NUDT11: variants seen among roughly 807,000 people sequenced by gnomAD.
NUDT11 encodes the protein nudix hydrolase 11.
A neutral mutation model predicts 10.0 loss-of-function variants in NUDT11; 1 was observed. That is an observed-to-expected ratio of 0.10 (90% confidence interval 0.04 to 0.47). The LOEUF (loss-of-function observed/expected upper bound fraction) is 0.47. Among genes scored for constraint, NUDT11 ranks in the 20% least tolerant of loss-of-function variants. The pLI is 0.96. For synonymous variants in NUDT11, 63 were observed against 65.9 expected, an observed-to-expected ratio of 0.96 and a Z score of 0.21; for missense variants, 47 against 140.4, an observed-to-expected ratio of 0.33 and a Z score of 3.36.
chrX:51,494,608 C>A (rs1456350710), intron 1 of NUDT11, among the ~76,000 whole-genome samples: 2 of 92,751 alleles, frequency 2.2e-5, no homozygotes, highest in Non-Finnish European at 4.5e-5. Flanking sequence ...AAAAAGCACA[C>A]AAGGGGGCAG....
rs1925597133 is a variant in NUDT11, at chrX:51,491,641, T to C, written c.*108A>G. On this transcript the variant is annotated 3_prime_UTR_variant, in exon 2 of 2. Coordinates refer to ENST00000375992, the MANE Select transcript of NUDT11 (RefSeq NM_018159.4). ...AGATGCAGGAAGAAACCAGATGAGC[T>C]GTCTTCTTGGGAACACAGAAGTGCT... 3.6e-6 allele frequency: 2 copies of C among 551,518 alleles called. No individual in the cohort carries two copies. The highest frequency in any genetic ancestry group is 6.7e-6 in the Non-Finnish European group (2 of 300,051). 45.5% of individuals were successfully genotyped at this position (551,518 alleles called of 1,213,427 possible).
At chrX:51,494,843 T>C (rs1420749330) in intron 1 of NUDT11, among the ~76,000 whole-genome samples, 1 of 112,250 alleles carries the variant, frequency 8.9e-6, no homozygotes, top group Non-Finnish European at 1.9e-5. Context: ...TTGACAATTC[T>C]GTACCAGCTG....
intron 1 of NUDT11, among the ~76,000 whole-genome samples, chrX:51,494,034 A>C (rs1239062263): frequency 1.8e-5 from 2 of 111,927 alleles, no homozygotes; most frequent in Non-Finnish European, 3.8e-5. Flanking sequence ...AACCTTCTGT[A>C]ATAATTAGGT....
At position 51,496,276 on chromosome X, in the gene NUDT11, C is replaced by G. The variant is rs1872202627; in HGVS notation, c.169G>C (p.Glu57Gln). ...TCTCGGACCGCCGCACCGCCCGGCT[C>G]CTCCTCGGGCTCCATGCCCCCGCCC... Reference protein sequence around the residue: ...VPGGGMEPEEEPGGAAVREVY... With the variant: ...VPGGGMEPEEQPGGAAVREVY... Residue 57 changes from glutamate to glutamine, a missense_variant, in exon 1 of 2, where the codon GAG (glutamate) becomes CAG (glutamine). Coordinates refer to ENST00000375992, the MANE Select transcript of NUDT11 (RefSeq NM_018159.4). 8.3e-7 allele frequency: 1 copy of G among 1,207,891 alleles called. No homozygotes were observed. Among genetic ancestry groups the G allele is most frequent in the Non-Finnish European group, 1.1e-6 (1 of 894,249 alleles).
chrX:51,493,889 CTAA>C (rs1259284080), intron 1 of NUDT11, among the ~76,000 whole-genome samples: 1 of 111,900 alleles, frequency 8.9e-6, no homozygotes, highest in Non-Finnish European at 1.9e-5. Context: ...ATAATTACTT[CTAA>C]TGATAGAAAG....
rs1280538801 is a variant in NUDT11, at chrX:51,493,345, C to T, written c.*-1596G>A. Reference sequence around the variant, plus strand: ...GACAGGGCTGTAAAATTTAGGTGTACATTTTTCTGCTATCACAAAAGAAAT... The same window carrying T: ...GACAGGGCTGTAAAATTTAGGTGTATATTTTTCTGCTATCACAAAAGAAAT... On this transcript the variant is annotated intron_variant, in intron 1 of 1. Coordinates refer to ENST00000375992, the MANE Select transcript of NUDT11 (RefSeq NM_018159.4). 2.7e-5 allele frequency among the ~76,000 whole-genome samples: 3 copies of T among 111,513 alleles called. No individual in the cohort carries two copies. The Admixed American group carries it at 2.9e-4, about 11-fold the overall frequency.
intron 1 of NUDT11, among the ~76,000 whole-genome samples, chrX:51,495,166 T>G (rs1925672830): frequency 8.9e-6 from 1 of 111,810 alleles, no homozygotes; most frequent in South Asian, 3.8e-4. Flanking sequence ...AAATAGCCAT[T>G]TGAAGTCAGC....
At chrX:51,494,547 A>G (rs1925660361) in intron 1 of NUDT11, among the ~76,000 whole-genome samples, 1 of 111,681 alleles carries the variant, frequency 9.0e-6, no homozygotes, top group Non-Finnish European at 1.9e-5. Context: ...GTGAAATTAC[A>G]ATGTACTCCA....
At position 51,493,898 on chromosome X, in the gene NUDT11, G is replaced by A. The variant is rs781952018; in HGVS notation, c.494+2053C>T. On this transcript the variant is annotated intron_variant, in intron 1 of 1. Transcript: ENST00000375992. The stretch of plus-strand genomic sequence containing the variant: ...TGATGCATAATTACTTCTAATGATA[G>A]AAAGTACGAGTTAAGTCTCCAAAGT... Among the ~76,000 whole-genome samples, 3 of 111,914 alleles carry A rather than the reference G, an allele frequency of 2.7e-5. No homozygotes were observed. In the South Asian group the frequency reaches 1.1e-3, roughly 42 times the overall value.
chrX:51,493,353 T>C (rs782538412), intron 1 of NUDT11, among the ~76,000 whole-genome samples: 1 of 111,935 alleles, frequency 8.9e-6, no homozygotes, highest in Non-Finnish European at 1.9e-5. Flanking sequence ...TACATTTTTC[T>C]GCTATCACAA....
chrX:51,491,710 T>C lies in NUDT11; in HGVS notation c.*39A>G. 1 of 570,806 alleles carries C rather than the reference T, an allele frequency of 1.8e-6. No homozygotes were observed. The highest frequency in any genetic ancestry group is 3.2e-6 in the Non-Finnish European group (1 of 309,450). 47.0% of individuals were successfully genotyped at this position (570,806 alleles called of 1,213,427 possible). A position where few individuals can be genotyped will look rare whatever the true frequency, so the allele number is the denominator to read the frequency against. ...CCACTGATCACTGGGTTCACATCAA[T>C]GTTTCTTTCAGCACAATACTGAACA... On this transcript the variant is annotated 3_prime_UTR_variant, in exon 2 of 2. Transcript: ENST00000375992.
At chrX:51,493,123 AC>A (rs1367100447) in intron 1 of NUDT11, among the ~76,000 whole-genome samples, 3 of 112,516 alleles carry the variant, frequency 2.7e-5, no homozygotes, top group African/African-American at 9.7e-5. Context: ...CTTGAGAAAA[AC>A]TGTATATATT....
intron 1 of NUDT11, among the ~76,000 whole-genome samples, chrX:51,494,387 A>C (rs1925657483): frequency 8.9e-6 from 1 of 112,267 alleles, no homozygotes; most frequent in African/African-American, 3.2e-5. Flanking sequence ...TGATAGCATT[A>C]GTGCAGAAAA....
In NUDT11 at chrX:51,491,119, G is replaced by C; in HGVS notation, c.*630C>G. The C allele has an allele frequency of 8.9e-6, 1 of 112,535 alleles. No individual in the cohort carries two copies. Among genetic ancestry groups the C allele is most frequent in the Non-Finnish European group, 1.9e-5 (1 of 53,266 alleles). 9.3% of individuals were successfully genotyped at this position (112,535 alleles called of 1,213,427 possible). ...AATCATCAACAGTACAAAAACACTA[G>C]AGTTGTTACACGAAGGACTGATTCT... On this transcript the variant is annotated 3_prime_UTR_variant, in exon 2 of 2. Transcript: ENST00000375992.
At position 51,491,030 on chromosome X, in the gene NUDT11, C is replaced by T. The variant is rs1557326130; in HGVS notation, c.*719G>A. The T allele has an allele frequency of 8.9e-6, 1 of 111,992 alleles. No individual in the cohort carries two copies. Among genetic ancestry groups the T allele is most frequent in the Non-Finnish European group, 1.9e-5 (1 of 53,106 alleles). The allele number at this position is 111,992 out of a possible 1,213,427, so 9.2% of individuals were successfully genotyped here. On this transcript the variant is annotated 3_prime_UTR_variant, in exon 2 of 2. Transcript: ENST00000375992. ...AAAAACTCACAACATTATTTTGCGT[C>T]CACTGTATTTATTTTTACAATTACC... is the stretch of plus-strand genomic sequence containing the variant.
chrX:51,495,530 GCACGCT>G (rs1415582239), intron 1 of NUDT11, among the ~76,000 whole-genome samples: 14 of 111,346 alleles, frequency 1.3e-4, no homozygotes, highest in South Asian at 3.8e-4. Context: ...AAATGCGCAC[GCACGCT>G]CACCCACGAA....
chrX:51,494,149 T>C (rs1419391376), intron 1 of NUDT11, among the ~76,000 whole-genome samples: 1 of 112,221 alleles, frequency 8.9e-6, no homozygotes, highest in Non-Finnish European at 1.9e-5. Flanking sequence ...GTACAACAAA[T>C]AACCATGACA....
chrX:51,494,295 G>A (rs1403692507), intron 1 of NUDT11, among the ~76,000 whole-genome samples: 1 of 111,787 alleles, frequency 8.9e-6, no homozygotes, highest in Non-Finnish European at 1.9e-5. Context: ...AAAATACTCC[G>A]TATTTGATCA....
chrX:51,493,986 T>C (rs1184585437), intron 1 of NUDT11, among the ~76,000 whole-genome samples: 1 of 111,925 alleles, frequency 8.9e-6, no homozygotes, highest in Admixed American at 9.5e-5. Context: ...AAATACAATC[T>C]AGTATACCTC....
Sources: gnomAD v4.1 joint callset for allele counts (sites outside exome capture counted in the v4.1 genomes callset) on GRCh38, gnomAD v4.1.1 for gene constraint, MANE v1.5 for transcripts, NCBI Gene and HGNC (gene_info 2026-07-23, HGNC 2026-07-21) for gene names.